The following ASCC3 variants were observed in gnomAD, a reference collection of about 807,000 sequenced individuals.
ASCC3 encodes the protein ASC-1 complex subunit P200.
In ASCC3, 158 loss-of-function variants were observed where a neutral mutation model predicts 256.3. The ratio of observed to expected loss-of-function variants is 0.62; its 90% confidence interval spans 0.54 to 0.70. ASCC3 has a LOEUF of 0.70. Among genes scored for constraint, ASCC3 ranks in the 30% least tolerant of loss-of-function variants. The pLI, the probability that ASCC3 is intolerant of heterozygous loss-of-function variation, is 0.00. For synonymous variants in ASCC3, 948 were observed against 883.4 expected (o/e 1.07, Z -1.30); for missense variants, 2,259 against 2,626.0 (o/e 0.86, Z 3.05).
chr6:100,525,156 C>CAAAAAAAAAAAAAAAAAAAAAAAA (rs57882047), intron 37 of ASCC3, among the ~76,000 whole-genome samples: 10 of 44,950 alleles, frequency 2.2e-4, no homozygotes, highest in East Asian at 6.5e-4. Context: ...GACCCTGTCT[C>CAAAAAAAAAAAAAAAAAAAAAAAA]AAAAAAAAAA....
chr6:100,766,706 CTA>C lies in ASCC3; in HGVS notation c.1597-3_1597-2del. On this transcript the variant is annotated splice_acceptor_variant and splice_polypyrimidine_tract_variant and intron_variant, in intron 9 of 41. Transcript: ENST00000369162. LOFTEE classifies it high-confidence loss of function. Reference sequence around the variant, plus strand: ...CTTTCATTGGAGCAACATATACAATCTATACCAAAGGAACACTAGCTTGATTA... The same window carrying C: ...CTTTCATTGGAGCAACATATACAATCTACCAAAGGAACACTAGCTTGATTA... 6.2e-7 allele frequency: 1 copy of C among 1,613,996 alleles called. No individual in the cohort carries two copies. The highest frequency in any genetic ancestry group is 1.1e-5 in the South Asian group (1 of 91,078).
chr6:100,540,202 A>G lies in ASCC3; in HGVS notation c.5736T>C (p.Asp1912=), dbSNP rs779777314. The G allele has an allele frequency of 1.2e-5, 19 of 1,614,012 alleles. No homozygotes were observed. The highest frequency in any genetic ancestry group is 6.7e-5 in the African/African-American group (5 of 74,924). The change falls in exon 37 of 42, where the codon GAT becomes GAC. Residue 1912 remains aspartate, a synonymous_variant. Transcript: ENST00000369162. ...AMLPCPDYDT[D]TKTVLDQALR... The stretch of plus-strand genomic sequence containing the variant: ...GAGCTTGGTCCAAGACTGTTTTGGT[A>G]TCAGTGTCATAATCTGGGCAGGGTA...
chr6:100,634,104 CTTT>C (rs1202141227), intron 25 of ASCC3, among the ~76,000 whole-genome samples: 22 of 152,120 alleles, frequency 1.4e-4, no homozygotes, highest in East Asian at 5.8e-4. Context: ...TCTTGTTTTA[CTTT>C]TTATTTGTTT....
intron 13 of ASCC3, among the ~76,000 whole-genome samples, chr6:100,681,591 G>T (rs1777304648): frequency 6.6e-6 from 1 of 151,706 alleles, no homozygotes; most frequent in Admixed American, 6.6e-5. Flanking sequence ...GCGGGGCGTG[G>T]TGGTGCGTGC....
chr6:100,581,078 G>A (rs1309900223), intron 36 of ASCC3, among the ~76,000 whole-genome samples: 8 of 151,932 alleles, frequency 5.3e-5, no homozygotes, highest in Non-Finnish European at 1.2e-4. Context: ...ATGATTTATA[G>A]TCCTTTGGGT....
chr6:100,532,676 T>C (rs1774976341), intron 37 of ASCC3, among the ~76,000 whole-genome samples: 1 of 151,880 alleles, frequency 6.6e-6, no homozygotes. Flanking sequence ...CAGTACATTT[T>C]ATGCAAATAT....
chr6:100,532,404 ATATTTTT>A (rs376872508), intron 37 of ASCC3, among the ~76,000 whole-genome samples: 1,041 of 47,840 alleles, frequency 0.022, 4 homozygotes, highest in Middle Eastern at 0.043. Context: ...ATATATATAT[ATATTTTT>A]TTTTTTTTTT....
chr6:100,677,351 C>G (rs1777076245), intron 14 of ASCC3, among the ~76,000 whole-genome samples: 1 of 143,150 alleles, frequency 7.0e-6, no homozygotes, highest in African/African-American at 2.6e-5. Context: ...AAAAAAAGAC[C>G]CCATGCCCTA....
At chr6:100,809,124 G>A (rs956443751) in intron 4 of ASCC3, among the ~76,000 whole-genome samples, 48 of 151,676 alleles carry the variant, frequency 3.2e-4, no homozygotes, top group African/African-American at 1.1e-3. Context: ...ATGTACTACC[G>A]TAGACTTTAT....
intron 14 of ASCC3, among the ~76,000 whole-genome samples, chr6:100,674,065 C>T (rs1207044319): frequency 2.0e-5 from 3 of 152,008 alleles, no homozygotes; most frequent in Non-Finnish European, 4.4e-5. Flanking sequence ...TTCTTTTAAT[C>T]TTTCCTTTGA....
chr6:100,835,996 G>A (rs1771857969), intron 4 of ASCC3, among the ~76,000 whole-genome samples: 1 of 152,016 alleles, frequency 6.6e-6, no homozygotes, highest in Non-Finnish European at 1.5e-5. Context: ...CAGGTATTCT[G>A]TGTATGTGTA....
At position 100,790,096 on chromosome 6, in the gene ASCC3, AT is replaced by A. The variant is rs553627396; in HGVS notation, c.1395+8616del. Among the ~76,000 whole-genome samples, 738 of 152,106 alleles carry A rather than the reference AT, an allele frequency of 4.9e-3. 9 individuals carry two copies. The highest frequency in any genetic ancestry group is 0.017 in the African/African-American group (715 of 41,560). On this transcript the variant is annotated intron_variant, in intron 8 of 41. Coordinates refer to ENST00000369162, the MANE Select transcript of ASCC3 (RefSeq NM_006828.4). ...ATAAAACAACAAAAGTCAGCTATCAATGTGAGAAATTAATTGAAGGGACAGT... is the reference window on the plus strand; with the variant it reads ...ATAAAACAACAAAAGTCAGCTATCAAGTGAGAAATTAATTGAAGGGACAGT...
At chr6:100,813,224 A>G (rs1350291097) in intron 4 of ASCC3, among the ~76,000 whole-genome samples, 1 of 152,040 alleles carries the variant, frequency 6.6e-6, no homozygotes, top group Non-Finnish European at 1.5e-5. Flanking sequence ...GGGAGGCCGA[A>G]GCGGGAGGAC....
intron 4 of ASCC3, among the ~76,000 whole-genome samples, chr6:100,836,710 CGTT>C (rs1562332873): frequency 1.3e-5 from 2 of 151,950 alleles, no homozygotes; most frequent in Admixed American, 6.6e-5. Context: ...TTTCTTTTCT[CGTT>C]GTGTCCTTAT....
intron 36 of ASCC3, among the ~76,000 whole-genome samples, chr6:100,562,259 A>T (rs1428573207): frequency 6.6e-6 from 1 of 152,120 alleles, no homozygotes; most frequent in Non-Finnish European, 1.5e-5. Flanking sequence ...GTAACAACAA[A>T]AGTTTTCAGA....
chr6:100,725,679 A>C lies in ASCC3; in HGVS notation c.1762T>G (p.Trp588Gly). The change falls in exon 11 of 42, where the codon TGG (tryptophan) becomes GGG (glycine). Residue 588 changes from tryptophan to glycine, a missense_variant. Trp to Gly is a radical substitution (Grantham distance 184). Transcript: ENST00000369162. Reference protein sequence around the residue: ...TQMLVTTPEKWDVVTRKSVGD... With the variant: ...TQMLVTTPEKGDVVTRKSVGD... ...ACACTCTTTCTTGTCACTACATCCCATTTTTCTGGTGTGGTCACAAGCATC... is the reference window on the plus strand; with the variant it reads ...ACACTCTTTCTTGTCACTACATCCCCTTTTTCTGGTGTGGTCACAAGCATC... The C allele has an allele frequency of 6.2e-7, 1 of 1,612,428 alleles. No homozygotes were observed. The highest frequency in any genetic ancestry group is 8.5e-7 in the Non-Finnish European group (1 of 1,178,962).
intron 10 of ASCC3, among the ~76,000 whole-genome samples, chr6:100,746,061 T>C (rs1156601025): frequency 6.9e-6 from 1 of 145,176 alleles, no homozygotes; most frequent in Non-Finnish European, 1.5e-5. Context: ...TGAAAACTTA[T>C]TGTGTGCCAA....
At chr6:100,772,076 T>C (rs1274318972) in intron 8 of ASCC3, among the ~76,000 whole-genome samples, 4 of 151,768 alleles carry the variant, frequency 2.6e-5, no homozygotes, top group Non-Finnish European at 5.9e-5. Flanking sequence ...AGGCATAGGG[T>C]TTCACCATGT....
intron 14 of ASCC3, among the ~76,000 whole-genome samples, chr6:100,674,778 C>T (rs984973964): frequency 9.2e-5 from 14 of 151,880 alleles, no homozygotes; most frequent in Non-Finnish European, 1.9e-4. Context: ...GGACTACAGG[C>T]GTATGCCACC....
Sources: gnomAD v4.1 joint callset for allele counts (sites outside exome capture counted in the v4.1 genomes callset) on GRCh38, gnomAD v4.1.1 for gene constraint, MANE v1.5 for transcripts, NCBI Gene and HGNC (gene_info 2026-07-23, HGNC 2026-07-21) for gene names.